The following NAV3 variants were observed in gnomAD, a reference collection of about 807,000 sequenced individuals.
NAV3 encodes the protein neuron navigator 3, also known as pore membrane and/or filament interacting like protein 1.
Under a neutral mutation model 244.7 loss-of-function variants are expected in NAV3, and 87 were observed. The observed-to-expected ratio is 0.36, with a 90% confidence interval of 0.30 to 0.42. NAV3 has a LOEUF of 0.42. Among genes scored for constraint, NAV3 ranks in the 20% least tolerant of loss-of-function variants. The pLI is 1.00. For synonymous variants in NAV3, 1,126 were observed against 1,042.2 expected (o/e 1.08, Z -1.55); for missense variants, 2,663 against 2,893.3 (o/e 0.92, Z 1.83).
intron 2 of NAV3, among the ~76,000 whole-genome samples, chr12:77,625,036 C>T (rs971898608): frequency 5.9e-5 from 9 of 152,092 alleles, no homozygotes; most frequent in African/African-American, 2.2e-4. Flanking sequence ...ACAAAGCACA[C>T]ATCATGCACA....
chr12:77,985,535 T>C (rs933647471), intron 5 of NAV3, among the ~76,000 whole-genome samples: 2 of 152,116 alleles, frequency 1.3e-5, no homozygotes, highest in Non-Finnish European at 2.9e-5. Context: ...CACTTCTGAA[T>C]ATCCATTTTC....
At chr12:77,815,113 A>G (rs996686103) in intron 2 of NAV3, among the ~76,000 whole-genome samples, 2 of 152,220 alleles carry the variant, frequency 1.3e-5, no homozygotes, top group African/African-American at 4.8e-5. Context: ...TCTATTCACT[A>G]CAAGTCAGAC....
intron 2 of NAV3, among the ~76,000 whole-genome samples, chr12:77,581,719 A>G (rs1378015216): frequency 2.6e-5 from 4 of 152,156 alleles, no homozygotes; most frequent in Non-Finnish European, 4.4e-5. Flanking sequence ...TGTGTTTTAT[A>G]TATTGGATTT....
chr12:77,847,297 T>C (rs1876804359), intron 1 of NAV3, among the ~76,000 whole-genome samples: 1 of 152,252 alleles, frequency 6.6e-6, no homozygotes, highest in African/African-American at 2.4e-5. Context: ...GTCACCCGTT[T>C]TCCTTCTCTG....
At chr12:77,894,860 T>G (rs1406161175) in intron 1 of NAV3, among the ~76,000 whole-genome samples, 2 of 152,202 alleles carry the variant, frequency 1.3e-5, no homozygotes, top group African/African-American at 2.4e-5. Context: ...TGGAATTTTA[T>G]GTAAAAGTTT....
At position 77,934,768 on chromosome 12, in the gene NAV3, C is replaced by A. The variant is rs116742214; in HGVS notation, c.244-5551C>A. 7.2e-4 allele frequency among the ~76,000 whole-genome samples: 110 copies of A among 152,304 alleles called. 1 individual carries two copies. Among genetic ancestry groups the A allele is most frequent in the African/African-American group, 2.5e-3 (104 of 41,578 alleles). On this transcript the variant is annotated intron_variant, in intron 1 of 39. Transcript: ENST00000397909. ...AACTTTACAAAGCCAGTAATTTGAA[C>A]ATACCAGGGAGCAGTGCTTATAGAA...
chr12:77,651,146 T>TA lies in NAV3; in HGVS notation c.72+78890dup, dbSNP rs899174964. ...CCTTTCTTTTGACTCAGGTTAATTATAAAAAAAAAATTCTACTTTTCAGTC... is the reference window on the plus strand; with the variant it reads ...CCTTTCTTTTGACTCAGGTTAATTATAAAAAAAAAAATTCTACTTTTCAGTC... On this transcript the variant is annotated intron_variant, in intron 2 of 8. Coordinates refer to the NAV3 transcript ENST00000550042. 5.6e-4 allele frequency among the ~76,000 whole-genome samples: 85 copies of TA among 150,580 alleles called. 1 individual carries two copies. The highest frequency in any genetic ancestry group is 2.1e-4 in the Non-Finnish European group (14 of 67,566).
At chr12:78,149,146 T>C (rs1956977228) in intron 22 of NAV3, among the ~76,000 whole-genome samples, 1 of 152,102 alleles carries the variant, frequency 6.6e-6, no homozygotes, top group South Asian at 2.1e-4. Flanking sequence ...TCTAATAAGA[T>C]TGGAAACAAT....
intron 7 of NAV3, among the ~76,000 whole-genome samples, chr12:78,005,109 A>T (rs1873970659): frequency 6.6e-6 from 1 of 151,770 alleles, no homozygotes; most frequent in African/African-American, 2.4e-5. Flanking sequence ...TCTCCGATCA[A>T]CCCCACCGAA....
chr12:77,672,446 A>G (rs894694532), intron 2 of NAV3, among the ~76,000 whole-genome samples: 1 of 152,182 alleles, frequency 6.6e-6, no homozygotes, highest in African/African-American at 2.4e-5. Context: ...ATACTTGCAC[A>G]CGCATGCTTA....
At chr12:78,038,399 A>T (rs1289539627) in intron 9 of NAV3, among the ~76,000 whole-genome samples, 1 of 152,238 alleles carries the variant, frequency 6.6e-6, no homozygotes, top group African/African-American at 2.4e-5. Flanking sequence ...CAAGAAACTA[A>T]TGCTAAATGC....
intron 2 of NAV3, among the ~76,000 whole-genome samples, chr12:77,707,502 A>C (rs1340518061): frequency 2.6e-5 from 4 of 152,186 alleles, no homozygotes; most frequent in African/African-American, 9.7e-5. Context: ...TGCTATTGTG[A>C]ATAGTGCCAC....
intron 2 of NAV3, among the ~76,000 whole-genome samples, chr12:77,625,472 G>C (rs7307488): frequency 0.037 from 5,462 of 149,538 alleles, 188 homozygotes; most frequent in African/African-American, 0.089. Flanking sequence ...AAGAAAATAA[G>C]ACTATAAAAA....
At chr12:77,970,738 A>G (rs1463078005) in intron 5 of NAV3, among the ~76,000 whole-genome samples, 1 of 152,108 alleles carries the variant, frequency 6.6e-6, no homozygotes, top group African/African-American at 2.4e-5. Context: ...AAGCATATAG[A>G]AGAACAAAGT....
At chr12:77,807,247 G>C (rs763182529) in intron 2 of NAV3, among the ~76,000 whole-genome samples, 4 of 152,194 alleles carry the variant, frequency 2.6e-5, no homozygotes, top group Non-Finnish European at 4.4e-5. Flanking sequence ...TTGCCAATTA[G>C]TTGATGCAGT....
intron 11 of NAV3, among the ~76,000 whole-genome samples, chr12:78,054,027 G>A (rs1160061007): frequency 1.3e-5 from 2 of 152,142 alleles, no homozygotes; most frequent in African/African-American, 2.4e-5. Flanking sequence ...GACATCTACA[G>A]TGCAATATGT....
At chr12:78,116,207 G>C (rs780975820) in intron 12 of NAV3, among the ~76,000 whole-genome samples, 2 of 152,120 alleles carry the variant, frequency 1.3e-5, no homozygotes, top group African/African-American at 2.4e-5. Flanking sequence ...TGTTATCATG[G>C]ATGGAAATGT....
intron 9 of NAV3, among the ~76,000 whole-genome samples, chr12:78,034,229 A>ACCACAC (rs1271636917): frequency 6.6e-6 from 1 of 152,188 alleles, no homozygotes; most frequent in Non-Finnish European, 1.5e-5. Context: ...AGATGTCACC[A>ACCACAC]CCACACCCAC....
At chr12:77,585,434 G>C (rs1270591692) in intron 2 of NAV3, among the ~76,000 whole-genome samples, 2 of 152,050 alleles carry the variant, frequency 1.3e-5, no homozygotes, top group Non-Finnish European at 2.9e-5. Context: ...GGACAGAGTT[G>C]GTTTCAATAA....
Sources: allele counts gnomAD v4.1 joint callset (sites outside exome capture counted in the v4.1 genomes callset), GRCh38; gene constraint gnomAD v4.1.1; transcripts MANE v1.5; gene names NCBI Gene and HGNC (gene_info 2026-07-23, HGNC 2026-07-21).